The following TMEM123 variants were observed in gnomAD, a reference collection of about 807,000 sequenced individuals.
TMEM123 encodes transmembrane protein 123, also known as porimin.
Under a neutral mutation model 19.7 loss-of-function variants are expected in TMEM123, and 16 were observed. The ratio of observed to expected loss-of-function variants is 0.81; its 90% confidence interval spans 0.55 to 1.23. The LOEUF (loss-of-function observed/expected upper bound fraction) is 1.23. Ranked by LOEUF, TMEM123 falls within the 50% of genes most tolerant of loss-of-function variation. TMEM123 has a pLI of 0.00. For synonymous variants in TMEM123, 118 were observed against 99.4 expected, an observed-to-expected ratio of 1.19 and a Z score of -1.12; for missense variants, 313 against 257.8, an observed-to-expected ratio of 1.21 and a Z score of -1.47.
chr11:102,446,488 T>C (rs1565357424), intron 2 of TMEM123, among the ~76,000 whole-genome samples: 1 of 152,208 alleles, frequency 6.6e-6, no homozygotes, highest in Non-Finnish European at 1.5e-5. Context: ...GCTGTAATAA[T>C]GTATAGGATT....
intron 2 of TMEM123, among the ~76,000 whole-genome samples, chr11:102,404,237 C>G (rs1044060170): frequency 2.0e-5 from 3 of 152,134 alleles, no homozygotes; most frequent in Non-Finnish European, 4.4e-5. Flanking sequence ...TCCTATCTTC[C>G]ACAACTATTT....
At chr11:102,421,574 C>A (rs1274847269) in intron 2 of TMEM123, among the ~76,000 whole-genome samples, 1 of 151,766 alleles carries the variant, frequency 6.6e-6, no homozygotes, top group Non-Finnish European at 1.5e-5. Flanking sequence ...CTAGAGATGA[C>A]AACTGTACAG....
At chr11:102,423,450 G>A (rs1272055253) in intron 2 of TMEM123, among the ~76,000 whole-genome samples, 1 of 152,166 alleles carries the variant, frequency 6.6e-6, no homozygotes, top group Non-Finnish European at 1.5e-5. Context: ...AAGATACTCA[G>A]GCAGCCCTAT....
At chr11:102,431,482 A>G (rs1403150262) in intron 2 of TMEM123, among the ~76,000 whole-genome samples, 2 of 152,246 alleles carry the variant, frequency 1.3e-5, no homozygotes, top group African/African-American at 2.4e-5. Flanking sequence ...CAATAGAACT[A>G]GAAAAAAGAA....
intron 2 of TMEM123, among the ~76,000 whole-genome samples, chr11:102,413,570 T>G (rs1952021772): frequency 6.6e-6 from 1 of 152,134 alleles, no homozygotes; most frequent in African/African-American, 2.4e-5. Context: ...AACAAAGCTG[T>G]AGGCCTGGTC....
chr11:102,417,583 A>G (rs753797698), intron 2 of TMEM123, among the ~76,000 whole-genome samples: 1 of 152,198 alleles, frequency 6.6e-6, no homozygotes, highest in Non-Finnish European at 1.5e-5. Flanking sequence ...ATACTGCCCA[A>G]AGCAATTTAC....
intron 2 of TMEM123, among the ~76,000 whole-genome samples, chr11:102,415,803 GAAGAA>G (rs1391505224): frequency 6.6e-6 from 1 of 152,092 alleles, no homozygotes; most frequent in Non-Finnish European, 1.5e-5. Flanking sequence ...AGTCCTAGCA[GAAGAA>G]AAGAAATAAC....
intron 2 of TMEM123, among the ~76,000 whole-genome samples, chr11:102,408,191 C>G (rs1951972080): frequency 6.6e-6 from 1 of 152,176 alleles, no homozygotes; most frequent in Non-Finnish European, 1.5e-5. Flanking sequence ...TGTAATAACA[C>G]CATCCATGCA....
intron 2 of TMEM123, among the ~76,000 whole-genome samples, chr11:102,423,850 T>A (rs1952104828): frequency 6.6e-6 from 1 of 152,216 alleles, no homozygotes; most frequent in Admixed American, 6.5e-5. Context: ...ATACTTATTT[T>A]TTTATACACT....
At chr11:102,400,361 A>T (rs202091240) in intron 4 of TMEM123, among the ~76,000 whole-genome samples, 2 of 152,214 alleles carry the variant, frequency 1.3e-5, no homozygotes, top group East Asian at 3.8e-4. Context: ...GGAAAATCAT[A>T]ATGTATATCA....
chr11:102,415,625 A>C (rs987252642), intron 2 of TMEM123, among the ~76,000 whole-genome samples: 1 of 152,240 alleles, frequency 6.6e-6, no homozygotes, highest in Non-Finnish European at 1.5e-5. Flanking sequence ...CTTTGAAACT[A>C]ATGAAAACAA....
intron 2 of TMEM123, among the ~76,000 whole-genome samples, chr11:102,427,086 TTC>T (rs1223725483): frequency 1.3e-5 from 2 of 151,042 alleles, no homozygotes; most frequent in South Asian, 4.2e-4. Flanking sequence ...TTTTTGCTGG[TTC>T]TCTTTTTCAC....
chr11:102,450,135 T>A (rs895847608), intron 1 of TMEM123, among the ~76,000 whole-genome samples: 1 of 152,304 alleles, frequency 6.6e-6, no homozygotes, highest in Non-Finnish European at 1.5e-5. Flanking sequence ...GAATCCACCC[T>A]TTTATCTCCA....
chr11:102,403,900 G>A lies in TMEM123; in HGVS notation c.158-1694C>T, dbSNP rs148999687. Among the ~76,000 whole-genome samples the A allele has an allele frequency of 1.9e-4, 29 of 152,232 alleles. No individual in the cohort carries two copies. The East Asian group carries it at 5.2e-3, about 27-fold the overall frequency. ...CTTTGCAGTTACCCACTTCCCCTTT[G>A]ACCTTCTCGGCCATGTTGTGGCACA... On this transcript the variant is annotated intron_variant, in intron 2 of 4. Transcript: ENST00000398136.
At chr11:102,402,703 A>G (rs1951924411) in intron 2 of TMEM123, among the ~76,000 whole-genome samples, 1 of 152,238 alleles carries the variant, frequency 6.6e-6, no homozygotes, top group African/African-American at 2.4e-5. Flanking sequence ...TGGGAAGTCC[A>G]AGTGAGTTAT....
intron 1 of TMEM123, among the ~76,000 whole-genome samples, chr11:102,450,005 T>C (rs190377991): frequency 2.0e-5 from 3 of 152,284 alleles, no homozygotes; most frequent in East Asian, 1.9e-4. Context: ...ACCTTCCCAA[T>C]TGTTGCATTA....
Position 102,398,374 on chromosome 11 carries a change from T to C in TMEM123, c.*493A>G, listed in dbSNP as rs1951879066. 1 of 391,858 alleles carries C rather than the reference T, an allele frequency of 2.6e-6. No individual in the cohort carries two copies. Among genetic ancestry groups the C allele is most frequent in the East Asian group, 3.6e-5 (1 of 27,714 alleles). 24.3% of individuals were successfully genotyped at this position (391,858 alleles called of 1,614,324 possible). A position where few individuals can be genotyped will look rare whatever the true frequency, so the allele number is the denominator to read the frequency against. ...AAATGTTGATGTTTTTCTTAAATTA[T>C]GCTTCAGATCTAGTTTGATTGTATA... On this transcript the variant is annotated 3_prime_UTR_variant, in exon 5 of 5. Coordinates refer to ENST00000398136, the MANE Select transcript of TMEM123 (RefSeq NM_052932.3).
chr11:102,452,685 C>A lies in TMEM123; in HGVS notation c.-62G>T, dbSNP rs572379603. 12 of 1,305,338 alleles carry A rather than the reference C, an allele frequency of 9.2e-6. No individual in the cohort carries two copies. Among genetic ancestry groups the A allele is most frequent in the Admixed American group, 3.0e-5 (1 of 33,204 alleles). 80.9% of individuals were successfully genotyped at this position (1,305,338 alleles called of 1,614,324 possible). ...CCAGCCGAGGTGGCGGCGGCGAGAG[C>A]GGCTCCTCTGCGCAGCCGGCGCCGG... is the stretch of plus-strand genomic sequence containing the variant. On this transcript the variant is annotated 5_prime_UTR_variant, in exon 1 of 5. Coordinates refer to ENST00000398136, the MANE Select transcript of TMEM123 (RefSeq NM_052932.3).
intron 2 of TMEM123, among the ~76,000 whole-genome samples, chr11:102,407,191 TCAA>T (rs951883198): frequency 6.6e-6 from 1 of 152,170 alleles, no homozygotes; most frequent in Non-Finnish European, 1.5e-5. Flanking sequence ...AACAAGGAAG[TCAA>T]CAACATTAGC....
Sources: gnomAD v4.1 joint callset for allele counts (sites outside exome capture counted in the v4.1 genomes callset) on GRCh38, gnomAD v4.1.1 for gene constraint, MANE v1.5 for transcripts, NCBI Gene and HGNC (gene_info 2026-07-23, HGNC 2026-07-21) for gene names.